The following ZNF292 variants were observed in gnomAD, a reference collection of about 807,000 sequenced individuals.
The protein encoded by ZNF292 is 16 zinc-finger domain protein.
In ZNF292, 26 loss-of-function variants were observed where a neutral mutation model predicts 217.9. That is an observed-to-expected ratio of 0.12 (90% CI 0.09 to 0.17). The LOEUF (loss-of-function observed/expected upper bound fraction) is 0.17. Ranked by LOEUF, ZNF292 falls within the 10% of genes least tolerant of loss-of-function variation. ZNF292 has a pLI of 1.00. For missense variants in ZNF292, 2,904 were observed against 3,175.2 expected (o/e 0.91, Z 2.05); for synonymous variants, 1,257 against 1,124.1 (o/e 1.12, Z -2.37).
At chr6:87,219,497 A>G (rs191035876) in intron 4 of ZNF292, among the ~76,000 whole-genome samples, 304 of 152,296 alleles carry the variant, frequency 2.0e-3, no homozygotes, top group Middle Eastern at 3.4e-3. Flanking sequence ...GGCAAATTCT[A>G]GGAAGTTTTG....
chr6:87,238,128 A>C (rs1272088637), intron 5 of ZNF292, among the ~76,000 whole-genome samples: 1 of 152,192 alleles, frequency 6.6e-6, no homozygotes, highest in African/African-American at 2.4e-5. Context: ...CAGATGTTTC[A>C]GTTGGTATGT....
intron 1 of ZNF292, among the ~76,000 whole-genome samples, chr6:87,204,822 G>T (rs1044326829): frequency 8.6e-5 from 13 of 151,700 alleles, no homozygotes; most frequent in African/African-American, 2.4e-4. Flanking sequence ...CCTCAGCCTC[G>T]CAAAGTGCTG....
intron 1 of ZNF292, among the ~76,000 whole-genome samples, chr6:87,206,599 A>G (rs1476020625): frequency 6.6e-6 from 1 of 152,216 alleles, no homozygotes; most frequent in Non-Finnish European, 1.5e-5. Context: ...TGTAATATTG[A>G]CACACCACTA....
intron 5 of ZNF292, among the ~76,000 whole-genome samples, chr6:87,242,572 G>C (rs1397903169): frequency 6.6e-6 from 1 of 152,116 alleles, no homozygotes; most frequent in Non-Finnish European, 1.5e-5. Context: ...TCTGTGGTAC[G>C]TGAGTGCTAA....
Position 87,265,267 on chromosome 6 carries a change from A to T in ZNF292, c.*3466A>T, listed in dbSNP as rs548933273. ...GTAGCTGGGACTACAGATGCATGCTATCACACCCAGCTAATTTTGTAGTTT... is the reference window on the plus strand; with the variant it reads ...GTAGCTGGGACTACAGATGCATGCTTTCACACCCAGCTAATTTTGTAGTTT... On this transcript the variant is annotated 3_prime_UTR_variant, in exon 8 of 8. Transcript: ENST00000369577. Among the ~76,000 whole-genome samples the T allele has an allele frequency of 6.6e-6, 1 of 152,022 alleles. No individual in the cohort carries two copies. The highest frequency in any genetic ancestry group is 2.4e-5 in the African/African-American group (1 of 41,394).
chr6:87,244,763 A>G (rs1358266252), intron 6 of ZNF292, among the ~76,000 whole-genome samples: 1 of 152,128 alleles, frequency 6.6e-6, no homozygotes, highest in Non-Finnish European at 1.5e-5. Flanking sequence ...CCTTATTGTC[A>G]ATTTTAAATT....
At chr6:87,199,010 C>T (rs1373423296) in intron 1 of ZNF292, among the ~76,000 whole-genome samples, 2 of 152,100 alleles carry the variant, frequency 1.3e-5, no homozygotes, top group African/African-American at 4.8e-5. Flanking sequence ...AGCTTATATT[C>T]GTTTTGGGTG....
intron 1 of ZNF292, among the ~76,000 whole-genome samples, chr6:87,208,032 G>A (rs984668810): frequency 3.3e-5 from 5 of 152,032 alleles, no homozygotes; most frequent in African/African-American, 4.8e-5. Flanking sequence ...TTTAGACCAC[G>A]TATGTCCGAA....
At chr6:87,251,250 T>G (rs1774906302) in intron 7 of ZNF292, among the ~76,000 whole-genome samples, 1 of 152,188 alleles carries the variant, frequency 6.6e-6, no homozygotes, top group Non-Finnish European at 1.5e-5. Flanking sequence ...ACACTAAGGT[T>G]TATATTTCAT....
At position 87,258,192 on chromosome 6, in the gene ZNF292, A is replaced by C. The variant is rs761506214; in HGVS notation, c.4563A>C (p.Ser1521=). The C allele has an allele frequency of 1.0e-4, 167 of 1,611,608 alleles. 1 individual carries two copies. The highest frequency in any genetic ancestry group is 1.4e-4 in the Non-Finnish European group (160 of 1,179,036). ...CAACAGGTTGTGTCTCTGATGCATC[A>C]CAAGTAAATGCAACGGTGATGCCAA... ...HVSTGCVSDA[S]QVNATVMPNP... is the part of the protein sequence containing the mutation. The change falls in exon 8 of 8, where the codon TCA becomes TCC. Residue 1521 remains serine, a synonymous_variant. Transcript: ENST00000369577.
intron 1 of ZNF292, among the ~76,000 whole-genome samples, chr6:87,159,596 G>C (rs1392234241): frequency 1.3e-5 from 2 of 151,114 alleles, no homozygotes; most frequent in Non-Finnish European, 2.9e-5. Context: ...TCCGCCTCTT[G>C]GGTTCAAGCA....
Position 87,155,825 on chromosome 6 carries a change from T to G in ZNF292, c.168+66T>G, listed in dbSNP as rs868361125. 6.1e-6 allele frequency: 9 copies of G among 1,469,128 alleles called. No homozygotes were observed. In the African/African-American group the frequency reaches 1.1e-4, roughly 18 times the overall value. 91.0% of individuals were successfully genotyped at this position (1,469,128 alleles called of 1,614,324 possible). A position where few individuals can be genotyped will look rare whatever the true frequency, so the allele number is the denominator to read the frequency against. On this transcript the variant is annotated intron_variant, in intron 1 of 7. Transcript: ENST00000369577. ...GAGGGGGAAGAGGGCGAGCGAGCGCTAGGCGGCCGAGAGGTGGTCGCCGCT... is the reference window on the plus strand; with the variant it reads ...GAGGGGGAAGAGGGCGAGCGAGCGCGAGGCGGCCGAGAGGTGGTCGCCGCT...
chr6:87,256,088 C>A lies in ZNF292; in HGVS notation c.2459C>A (p.Ser820Tyr). The A allele has an allele frequency of 6.2e-7, 1 of 1,613,170 alleles. No individual in the cohort carries two copies. Among genetic ancestry groups the A allele is most frequent in the Non-Finnish European group, 8.5e-7 (1 of 1,179,546 alleles). Reference sequence around the variant, plus strand: ...ACAGGTTGTGGTAAAGTTTATCGTTCTCAGGGTGAGCTGGAAAAGCATCTG... The same window carrying A: ...ACAGGTTGTGGTAAAGTTTATCGTTATCAGGGTGAGCTGGAAAAGCATCTG... The part of the protein sequence containing the change: ...KFTGCGKVYR[S>Y]QGELEKHLDD... Residue 820 changes from serine (S) to tyrosine (Y), a missense_variant, in exon 8 of 8, where the codon TCT (serine) becomes TAT (tyrosine). Around this residue, in one of 15 missense-constraint regions of ZNF292, gnomAD observed 687 missense variants for 623.0 expected, o/e 1.10. Transcript: ENST00000369577.
chr6:87,202,136 T>C (rs2127789872), intron 1 of ZNF292, among the ~76,000 whole-genome samples: 1 of 152,372 alleles, frequency 6.6e-6, no homozygotes. Flanking sequence ...GCTTTGACTT[T>C]TTAAATATGG....
At chr6:87,214,240 C>T (rs1179391016) in intron 1 of ZNF292, among the ~76,000 whole-genome samples, 6 of 152,162 alleles carry the variant, frequency 3.9e-5, no homozygotes, top group Non-Finnish European at 7.3e-5. Context: ...ATTTGTTCAT[C>T]ATTACATTTA....
rs371044913 is a variant in ZNF292, at chr6:87,255,479, C to T, written c.1850C>T (p.Thr617Ile). 3.1e-6 allele frequency: 5 copies of T among 1,613,360 alleles called. No individual in the cohort carries two copies. The African/African-American group carries it at 5.3e-5, about 17-fold the overall frequency. The part of the protein sequence containing the change: ...RRLGRPPKIT[T>I]TNENQKTNTV... ...TTGGGAAGGCCTCCAAAGATCACAA[C>T]TACCAATGAAAATCAGAAGACTAAT... is the stretch of plus-strand genomic sequence containing the variant. The change falls in exon 8 of 8, where the codon ACT becomes ATT. Residue 617 changes from threonine to isoleucine, a missense_variant. Physicochemically the swap from Thr to Ile is moderately conservative, Grantham distance 89. Around this residue, in one of 15 missense-constraint regions of ZNF292, gnomAD observed 216 missense variants for 308.3 expected, o/e 0.70. Coordinates refer to ENST00000369577, the MANE Select transcript of ZNF292 (RefSeq NM_015021.3).
intron 1 of ZNF292, among the ~76,000 whole-genome samples, chr6:87,195,288 A>G (rs1771923005): frequency 6.6e-6 from 1 of 152,238 alleles, no homozygotes; most frequent in Non-Finnish European, 1.5e-5. Context: ...TAAGGAACAG[A>G]AAAGTATATT....
chr6:87,171,777 T>C (rs1562121561), intron 1 of ZNF292, among the ~76,000 whole-genome samples: 1 of 152,184 alleles, frequency 6.6e-6, no homozygotes, highest in Admixed American at 6.5e-5. Flanking sequence ...GAATCTCAAT[T>C]GTAATGAAAT....
intron 7 of ZNF292, among the ~76,000 whole-genome samples, chr6:87,246,461 A>C (rs1774589726): frequency 6.6e-6 from 1 of 152,176 alleles, no homozygotes; most frequent in African/African-American, 2.4e-5. Context: ...AGAAAGCTTG[A>C]ACTGATGCTG....
Sources: gnomAD v4.1 joint callset for allele counts (sites outside exome capture counted in the v4.1 genomes callset) on GRCh38, gnomAD v4.1.1 for gene constraint, gnomAD v4.1.1 regional missense constraint, MANE v1.5 for transcripts, NCBI Gene and HGNC (gene_info 2026-07-23, HGNC 2026-07-21) for gene names.